The following ZNF664 variants were observed in gnomAD, a reference collection of about 807,000 sequenced individuals.
ZNF664 encodes the protein zinc finger Organ of Corti 1.
Under a neutral mutation model 18.2 loss-of-function variants are expected in ZNF664, and 10 were observed. That is an observed-to-expected ratio of 0.55 (90% confidence interval 0.34 to 0.93). The LOEUF (loss-of-function observed/expected upper bound fraction) is 0.93. Among genes scored for constraint, ZNF664 ranks in the 40% least tolerant of loss-of-function variants. ZNF664 has a pLI of 0.02. For synonymous variants in ZNF664, 119 were observed against 104.2 expected (o/e 1.14, Z -0.86); for missense variants, 193 against 319.0 (o/e 0.61, Z 3.01).
At chr12:123,984,897 A>G (rs1165007952) in intron 2 of ZNF664, among the ~76,000 whole-genome samples, 4 of 152,138 alleles carry the variant, frequency 2.6e-5, no homozygotes, top group South Asian at 2.1e-4. Context: ...GAGGACTCCT[A>G]TATTTAGGCA....
In ZNF664 at chr12:124,015,106, T is replaced by C. The variant is rs1294509747; in HGVS notation, c.*2176T>C. The C allele has an allele frequency of 1.2e-5, 2 of 167,086 alleles. No individual in the cohort carries two copies. The highest frequency in any genetic ancestry group is 4.8e-5 in the African/African-American group (2 of 41,464). 10.4% of individuals were successfully genotyped at this position (167,086 alleles called of 1,614,324 possible). ...TGAAATATCATTGATAGAATTTTAG[T>C]TTTAGGAAAAATTGGTTTGATTTCT... is the stretch of plus-strand genomic sequence containing the variant. On this transcript the variant is annotated 3_prime_UTR_variant, in exon 5 of 5. Coordinates refer to ENST00000337815, the MANE Select transcript of ZNF664 (RefSeq NM_152437.3).
intron 3 of ZNF664, among the ~76,000 whole-genome samples, chr12:124,000,024 G>A (rs1956993202): frequency 1.3e-5 from 2 of 152,238 alleles, no homozygotes. Context: ...GATAGGGGAT[G>A]ATTTCCTTTA....
chr12:123,979,527 G>A (rs1264078849), intron 2 of ZNF664, among the ~76,000 whole-genome samples: 1 of 152,074 alleles, frequency 6.6e-6, no homozygotes, highest in African/African-American at 2.4e-5. Context: ...TACACTTCAA[G>A]GAATCTGTGC....
chr12:123,996,859 A>G (rs1419967620), intron 3 of ZNF664, among the ~76,000 whole-genome samples: 1 of 152,140 alleles, frequency 6.6e-6, no homozygotes, highest in East Asian at 1.9e-4. Context: ...TGTTATATGT[A>G]TTATATACAA....
chr12:123,984,586 A>G (rs368577165), intron 2 of ZNF664, among the ~76,000 whole-genome samples: 3 of 152,102 alleles, frequency 2.0e-5, no homozygotes, highest in African/African-American at 7.2e-5. Context: ...ACAAGCACAG[A>G]AAGAAAACAG....
At chr12:124,000,257 C>T (rs1200344192) in intron 3 of ZNF664, among the ~76,000 whole-genome samples, 2 of 152,180 alleles carry the variant, frequency 1.3e-5, no homozygotes, top group South Asian at 2.1e-4. Context: ...CTCCTCAAAC[C>T]TCCAGGCTCC....
intron 2 of ZNF664, among the ~76,000 whole-genome samples, chr12:123,982,831 T>G (rs2138342567): frequency 6.6e-6 from 1 of 152,240 alleles, no homozygotes; most frequent in South Asian, 2.1e-4. Context: ...AATCTTAGAT[T>G]TAGCAAATTG....
At chr12:123,995,865 G>GT (rs1956942464) in intron 3 of ZNF664, among the ~76,000 whole-genome samples, 1 of 152,140 alleles carries the variant, frequency 6.6e-6, no homozygotes. Flanking sequence ...GGTCTGTTTT[G>GT]TACCCCCTGA....
At chr12:124,003,994 C>A (rs937659522) in intron 3 of ZNF664, among the ~76,000 whole-genome samples, 6 of 152,028 alleles carry the variant, frequency 3.9e-5, no homozygotes, top group African/African-American at 1.5e-4. Context: ...GTAGGTGGGG[C>A]CAGAGAGTTC....
At chr12:123,973,793 G>C in intron 1 of ZNF664, 93 bp from the exon 2 acceptor site, 2 of 1,207,300 alleles carry the variant, frequency 1.7e-6, no homozygotes, top group Non-Finnish European at 2.1e-6. Flanking sequence ...TTCCAGGCGG[G>C]TCCCGGGAGA....
At chr12:123,984,858 TA>T (rs1054259514) in intron 2 of ZNF664, among the ~76,000 whole-genome samples, 45 of 152,144 alleles carry the variant, frequency 3.0e-4, no homozygotes, top group Middle Eastern at 3.4e-3. Context: ...GTAGTTGAGC[TA>T]AAAAATGGAG....
chr12:124,002,376 T>C (rs531698828), intron 3 of ZNF664, among the ~76,000 whole-genome samples: 6 of 152,214 alleles, frequency 3.9e-5, no homozygotes, highest in Non-Finnish European at 7.3e-5. Context: ...ATGTGTGTTC[T>C]AAAGAGCAAT....
At chr12:123,992,204 C>T (rs542632124) in intron 3 of ZNF664, among the ~76,000 whole-genome samples, 7 of 152,216 alleles carry the variant, frequency 4.6e-5, no homozygotes, top group African/African-American at 1.7e-4. Flanking sequence ...GCCCAAACAC[C>T]TGGGGACCAA....
chr12:124,008,804 C>T (rs1417987605), intron 3 of ZNF664, among the ~76,000 whole-genome samples: 1 of 152,084 alleles, frequency 6.6e-6, no homozygotes, highest in Non-Finnish European at 1.5e-5. Flanking sequence ...ATGATTGGCT[C>T]TGTGTTCCTT....
At chr12:123,977,530 C>T (rs368080620) in intron 2 of ZNF664, among the ~76,000 whole-genome samples, 3 of 150,300 alleles carry the variant, frequency 2.0e-5, no homozygotes, top group African/African-American at 4.9e-5. Context: ...ACAAGTGAAC[C>T]GTGTAGGCAC....
intron 3 of ZNF664, among the ~76,000 whole-genome samples, chr12:124,007,163 C>T (rs1957082208): frequency 6.6e-6 from 1 of 152,150 alleles, no homozygotes; most frequent in African/African-American, 2.4e-5. Context: ...TGCACCTTAA[C>T]CCCTCTCATC....
intron 2 of ZNF664, among the ~76,000 whole-genome samples, chr12:123,984,637 T>C (rs1437524190): frequency 1.3e-5 from 2 of 151,872 alleles, no homozygotes; most frequent in African/African-American, 4.8e-5. Flanking sequence ...AGAGAGTTGG[T>C]TTCAAAGTTC....
chr12:123,973,841 C>T (rs1050838274), intron 1 of ZNF664, 45 bp from the exon 2 acceptor site: 8 of 1,231,002 alleles, frequency 6.5e-6, no homozygotes, highest in African/African-American at 1.6e-5. Context: ...GGGAGCCGGG[C>T]GGCTGCGGAG....
intron 1 of ZNF664, chr12:123,973,685 G>A: frequency 1.1e-6 from 1 of 930,588 alleles, no homozygotes; most frequent in African/African-American, 1.7e-5. Context: ...GAGGCCCCTC[G>A]GGAGCCGGAC....
Sources: allele counts gnomAD v4.1 joint callset (sites outside exome capture counted in the v4.1 genomes callset), GRCh38; gene constraint gnomAD v4.1.1; transcripts MANE v1.5; gene names NCBI Gene and HGNC (gene_info 2026-07-23, HGNC 2026-07-21).